Variants in RNF130 observed in about 807,000 individuals in gnomAD.
RNF130 encodes ring finger protein 130, also known as E3 ubiquitin-protein ligase RNF130.
A neutral mutation model predicts 44.6 loss-of-function variants in RNF130; 21 were observed. The ratio of observed to expected loss-of-function variants is 0.47; its 90% CI spans 0.33 to 0.68. The LOEUF is 0.68. Ranked by LOEUF, RNF130 falls within the 30% of genes least tolerant of loss-of-function variation. The pLI, the probability that RNF130 is intolerant of heterozygous loss-of-function variation, is 0.02. For synonymous variants in RNF130, 214 were observed against 210.4 expected (o/e 1.02, Z -0.15); for missense variants, 479 against 560.6 (o/e 0.85, Z 1.47).
chr5:179,942,185 T>TACTTGGGA (rs1554100430), intron 7 of RNF130, among the ~76,000 whole-genome samples: 41 of 146,864 alleles, frequency 2.8e-4, no homozygotes, highest in East Asian at 8.1e-4. Context: ...AAGAGGGCAC[T>TACTTGGGA]GGCACCAAGA....
chr5:179,920,797 T>TA (rs754416676), intron 7 of RNF130, among the ~76,000 whole-genome samples: 7,116 of 110,534 alleles, frequency 0.064, 300 homozygotes, highest in African/African-American at 0.14. Flanking sequence ...ATATATATAT[T>TA]TTTTTTTTTG....
intron 7 of RNF130, among the ~76,000 whole-genome samples, chr5:179,935,324 A>AT (rs1310128567): frequency 2.0e-5 from 3 of 152,328 alleles, no homozygotes; most frequent in East Asian, 3.9e-4. Context: ...TACTTAAAAA[A>AT]ATATATACCC....
rs181088566 is a variant in RNF130, at chr5:180,005,913, A to C, written c.693+7148T>G. Among the ~76,000 whole-genome samples the C allele has an allele frequency of 5.1e-4, 77 of 152,322 alleles. No homozygotes were observed. In the East Asian group the frequency reaches 0.014, roughly 28 times the overall value. On this transcript the variant is annotated intron_variant, in intron 3 of 8. Coordinates refer to ENST00000521389, the MANE Select transcript of RNF130 (RefSeq NM_018434.6). The stretch of plus-strand genomic sequence containing the variant: ...AGGATATAGAAATGAATTATCTTGC[A>C]AACACTATGATCTTAAGAGCATATT...
chr5:179,918,775 A>T (rs993116028), exon 8 of RNF130: 3 of 152,222 alleles, frequency 2.0e-5, no homozygotes, highest in Non-Finnish European at 4.4e-5. Flanking sequence ...AATGAGCGAA[A>T]ACGAAATGCC....
intron 2 of RNF130, among the ~76,000 whole-genome samples, chr5:180,035,861 A>G (rs1207795802): frequency 6.6e-6 from 1 of 152,080 alleles, no homozygotes; most frequent in East Asian, 1.9e-4. Flanking sequence ...TCTTTTATAG[A>G]ATTTTTATGT....
exon 8 of RNF130, chr5:179,917,115 C>A (rs1049768529): frequency 6.6e-6 from 1 of 151,426 alleles, no homozygotes; most frequent in Non-Finnish European, 1.5e-5. Flanking sequence ...GGTGTGAACC[C>A]GGGAGGCGGA....
intron 3 of RNF130, among the ~76,000 whole-genome samples, chr5:179,996,635 A>G (rs1260633854): frequency 6.6e-6 from 1 of 152,200 alleles, no homozygotes; most frequent in Non-Finnish European, 1.5e-5. Context: ...CATATGTTGA[A>G]CCATTCTTGC....
At chr5:180,061,557 C>T (rs769304143) in intron 1 of RNF130, among the ~76,000 whole-genome samples, 1 of 152,204 alleles carries the variant, frequency 6.6e-6, no homozygotes, top group Non-Finnish European at 1.5e-5. Flanking sequence ...CCTCTCCCAG[C>T]GTCTGATGGC....
chr5:179,947,579 C>A (rs1371454154), intron 7 of RNF130, among the ~76,000 whole-genome samples: 2 of 152,206 alleles, frequency 1.3e-5, no homozygotes, highest in Non-Finnish European at 2.9e-5. Context: ...GCAACCTTGG[C>A]AAGTTACTGG....
intron 3 of RNF130, among the ~76,000 whole-genome samples, chr5:179,982,461 CAA>C (rs1762860708): frequency 6.6e-6 from 1 of 152,022 alleles, no homozygotes; most frequent in Non-Finnish European, 1.5e-5. Flanking sequence ...AAGAGACTGC[CAA>C]AGTGTTTTCC....
chr5:180,005,020 C>A (rs1226814863), intron 3 of RNF130, among the ~76,000 whole-genome samples: 1 of 152,146 alleles, frequency 6.6e-6, no homozygotes, highest in Non-Finnish European at 1.5e-5. Flanking sequence ...CTCTACATAA[C>A]CTTATTTTAT....
chr5:180,047,689 A>G (rs1163981011), intron 1 of RNF130, among the ~76,000 whole-genome samples: 1 of 152,178 alleles, frequency 6.6e-6, no homozygotes, highest in Non-Finnish European at 1.5e-5. Context: ...GGTTGCAGTG[A>G]GCCGAGATTG....
chr5:179,976,367 C>T (rs558559396), intron 5 of RNF130, among the ~76,000 whole-genome samples: 4 of 152,148 alleles, frequency 2.6e-5, no homozygotes, highest in Non-Finnish European at 5.9e-5. Flanking sequence ...TCTGGAGGAT[C>T]CTGGGCTGAA....
intron 7 of RNF130, among the ~76,000 whole-genome samples, chr5:179,937,372 A>G (rs1761906240): frequency 6.6e-6 from 1 of 152,202 alleles, no homozygotes; most frequent in African/African-American, 2.4e-5. Flanking sequence ...CAACCTGATT[A>G]AAAAATGGGC....
At chr5:179,916,024 G>A (rs1244170666) in exon 8 of RNF130, 3 of 152,140 alleles carry the variant, frequency 2.0e-5, no homozygotes, top group African/African-American at 7.2e-5. Flanking sequence ...GTTTGCTGGC[G>A]ATATTAACTG....
At chr5:179,953,527 A>G (rs1762157223), downstream of RNF130, among the ~76,000 whole-genome samples, 1 of 152,160 alleles carries the variant, frequency 6.6e-6, no homozygotes, top group Non-Finnish European at 1.5e-5. Context: ...TTAATGGAGG[A>G]AAAAAGTCTC....
At chr5:179,913,862 AAGGGGAACGTTCCTCCC>A (rs1352022707) in exon 8 of RNF130, 2 of 152,340 alleles carry the variant, frequency 1.3e-5, no homozygotes, top group Non-Finnish European at 2.9e-5. Context: ...ATGCCTTGCA[AAGGGGAACGTTCCTCCC>A]AGGTGTGGAT....
intron 3 of RNF130, among the ~76,000 whole-genome samples, chr5:179,994,657 C>T (rs1327582438): frequency 1.3e-5 from 2 of 152,086 alleles, no homozygotes; most frequent in Non-Finnish European, 2.9e-5. Flanking sequence ...AGTGGTGTAT[C>T]GGGTGGGTGA....
chr5:179,911,771 C>T (rs1761470930), exon 8 of RNF130: 1 of 152,124 alleles, frequency 6.6e-6, no homozygotes, highest in Non-Finnish European at 1.5e-5. Flanking sequence ...ATACTTACAC[C>T]AACCATGCAG....
Sources: allele counts gnomAD v4.1 joint callset (sites outside exome capture counted in the v4.1 genomes callset), GRCh38; gene constraint gnomAD v4.1.1; transcripts MANE v1.5; gene names NCBI Gene and HGNC (gene_info 2026-07-23, HGNC 2026-07-21).